The following DLC1 variants were observed in gnomAD, a reference collection of about 807,000 sequenced individuals.
DLC1 encodes the protein DLC1 Rho GTPase activating protein.
DLC1 carries 54 observed loss-of-function variants against 140.3 expected under a neutral mutation model. The observed-to-expected ratio is 0.38, with a 90% CI of 0.31 to 0.48. The LOEUF (loss-of-function observed/expected upper bound fraction) is 0.48, where lower values mean the gene tolerates loss of function less well. Among genes scored for constraint, DLC1 ranks in the 20% least tolerant of loss-of-function variants. DLC1 has a pLI of 0.96. For missense variants in DLC1, 2,536 were observed against 1,907.0 expected (o/e 1.33, Z -6.14); for synonymous variants, 986 against 728.1 (o/e 1.35, Z -5.70).
chr8:13,169,667 CTTTGTTTT>C lies in DLC1; in HGVS notation c.1349-54018_1349-54011del, dbSNP rs1825327836. 3.9e-5 allele frequency among the ~76,000 whole-genome samples: 6 copies of C among 152,230 alleles called. No homozygotes were observed. In the South Asian group the frequency reaches 1.2e-3, roughly 32 times the overall value. On this transcript the variant is annotated intron_variant, in intron 5 of 17. Transcript: ENST00000276297. ...ATAAAAGAGGTGGTCTAAATCAGGACTTTGTTTTTTAAAAAGTCTGCAGGTGTTATTGC... is the reference window on the plus strand; with the variant it reads ...ATAAAAGAGGTGGTCTAAATCAGGACTTAAAAAGTCTGCAGGTGTTATTGC...
At chr8:13,361,877 T>C (rs1372661656) in intron 4 of DLC1, among the ~76,000 whole-genome samples, 1 of 152,200 alleles carries the variant, frequency 6.6e-6, no homozygotes, top group Non-Finnish European at 1.5e-5. Flanking sequence ...GTCATGACAT[T>C]AGGTGCTGGG....
Position 13,582,564 on chromosome 8 carries a change from T to A in DLC1, c.-126+21973A>T, listed in dbSNP as rs73563448. Reference sequence around the variant, plus strand: ...CTCCCATGCCGGATGCTTCCTACCCTTGAACATCAGACTCAAAGTTCATCA... The same window carrying A: ...CTCCCATGCCGGATGCTTCCTACCCATGAACATCAGACTCAAAGTTCATCA... On this transcript the variant is annotated intron_variant, in intron 1 of 1. Transcript: ENST00000631382. 1.9e-3 allele frequency among the ~76,000 whole-genome samples: 295 copies of A among 152,180 alleles called. 1 individual carries two copies. Among genetic ancestry groups the A allele is most frequent in the African/African-American group, 6.4e-3 (267 of 41,526 alleles).
At chr8:13,279,098 A>G (rs1275632725) in intron 5 of DLC1, among the ~76,000 whole-genome samples, 4 of 152,210 alleles carry the variant, frequency 2.6e-5, no homozygotes, top group Non-Finnish European at 5.9e-5. Context: ...GCTATGAGCT[A>G]ATGCTCTTTA....
At chr8:13,450,902 G>A (rs1240297718) in intron 2 of DLC1, among the ~76,000 whole-genome samples, 1 of 151,706 alleles carries the variant, frequency 6.6e-6, no homozygotes, top group Non-Finnish European at 1.5e-5. Context: ...AGCTGGGCAT[G>A]GTGGCCTGTG....
chr8:13,421,352 A>C (rs576486465), intron 2 of DLC1, among the ~76,000 whole-genome samples: 1 of 152,276 alleles, frequency 6.6e-6, no homozygotes, highest in East Asian at 1.9e-4. Context: ...GCGTCTATGC[A>C]CAGAGTAGGA....
intron 15 of DLC1, among the ~76,000 whole-genome samples, chr8:13,089,920 G>A (rs1371280282): frequency 6.6e-6 from 1 of 152,154 alleles, no homozygotes; most frequent in African/African-American, 2.4e-5. Context: ...ACCAAATTAT[G>A]GAAAAATCGA....
At chr8:13,152,177 C>A (rs758922168) in intron 5 of DLC1, among the ~76,000 whole-genome samples, 1 of 152,180 alleles carries the variant, frequency 6.6e-6, no homozygotes, top group Non-Finnish European at 1.5e-5. Context: ...TAGACAAAGT[C>A]CAGAGCCTTC....
At chr8:13,567,667 C>A (rs796474325) in intron 1 of DLC1, 3 of 1,551,840 alleles carry the variant, frequency 1.9e-6, no homozygotes, top group Non-Finnish European at 2.6e-6. Context: ...GGAGTCATTT[C>A]TACTCCAAGA....
chr8:13,118,930 G>A (rs1369606181), intron 5 of DLC1, among the ~76,000 whole-genome samples: 5 of 152,120 alleles, frequency 3.3e-5, no homozygotes, highest in African/African-American at 1.2e-4. Context: ...AGCTCCACGT[G>A]TAAAGAATGA....
At chr8:13,445,946 C>T (rs1379939025) in intron 2 of DLC1, among the ~76,000 whole-genome samples, 1 of 152,042 alleles carries the variant, frequency 6.6e-6, no homozygotes, top group Non-Finnish European at 1.5e-5. Flanking sequence ...ACTTCGATAA[C>T]CCTAAGAAAG....
At chr8:13,299,536 C>T (rs73560602) in intron 5 of DLC1, among the ~76,000 whole-genome samples, 12,099 of 148,034 alleles carry the variant, frequency 0.082, 566 homozygotes, top group Non-Finnish European at 0.1. Context: ...TCTCTATCTC[C>T]GCCTATCATC....
chr8:13,180,048 C>T (rs947275029), intron 5 of DLC1, among the ~76,000 whole-genome samples: 2 of 152,080 alleles, frequency 1.3e-5, no homozygotes, highest in Non-Finnish European at 2.9e-5. Context: ...AAGCCTTGAT[C>T]TTGTGGTGGA....
intron 1 of DLC1, among the ~76,000 whole-genome samples, chr8:13,513,267 T>C (rs551158640): frequency 2.6e-5 from 4 of 152,246 alleles, no homozygotes; most frequent in African/African-American, 9.6e-5. Context: ...TGAAATTCCA[T>C]TTGGAGATTT....
chr8:13,142,808 G>C (rs768401068), intron 5 of DLC1, among the ~76,000 whole-genome samples: 9 of 152,122 alleles, frequency 5.9e-5, no homozygotes, highest in Non-Finnish European at 1.0e-4. Context: ...CCAGCACTTT[G>C]GGAGGCCGAG....
chr8:13,561,749 A>G (rs762544077), intron 1 of DLC1, among the ~76,000 whole-genome samples: 2 of 152,222 alleles, frequency 1.3e-5, no homozygotes, highest in Non-Finnish European at 2.9e-5. Flanking sequence ...TCAAAACATT[A>G]CAGAACTATG....
At chr8:13,258,060 G>C (rs1000192026) in intron 5 of DLC1, among the ~76,000 whole-genome samples, 1 of 152,172 alleles carries the variant, frequency 6.6e-6, no homozygotes, top group Admixed American at 6.5e-5. Context: ...CTTAAACACA[G>C]CAAGTTTCAA....
intron 5 of DLC1, among the ~76,000 whole-genome samples, chr8:13,124,212 G>C (rs1821363466): frequency 6.6e-6 from 1 of 152,222 alleles, no homozygotes; most frequent in African/African-American, 2.4e-5. Context: ...AGACATGTGT[G>C]ACATCAGAGT....
chr8:13,192,020 C>CA (rs879816993), intron 5 of DLC1, among the ~76,000 whole-genome samples: 88 of 151,544 alleles, frequency 5.8e-4, no homozygotes, highest in Non-Finnish European at 1.1e-3. Flanking sequence ...CGGCTCACTG[C>CA]AGCCTCTGCC....
At chr8:13,174,751 C>T (rs767288047) in intron 5 of DLC1, among the ~76,000 whole-genome samples, 9 of 152,124 alleles carry the variant, frequency 5.9e-5, no homozygotes, top group Non-Finnish European at 1.3e-4. Context: ...CTTATAGATT[C>T]TGCATATTAG....
Sources: allele counts gnomAD v4.1 joint callset (sites outside exome capture counted in the v4.1 genomes callset), GRCh38; gene constraint gnomAD v4.1.1; transcripts MANE v1.5; gene names NCBI Gene and HGNC (gene_info 2026-07-23, HGNC 2026-07-21).